Variants in ALMS1 observed in about 807,000 individuals in gnomAD.
ALMS1 encodes the protein centrosome-associated protein ALMS1.
Under a neutral mutation model 352.2 loss-of-function variants are expected in ALMS1, and 271 were observed. The observed-to-expected ratio is 0.77, with a 90% CI of 0.70 to 0.85. ALMS1 has a LOEUF of 0.85. Among genes scored for constraint, ALMS1 ranks in the 40% least tolerant of loss-of-function variants. The pLI, the probability that ALMS1 is intolerant of heterozygous loss-of-function variation, is 0.00. For synonymous variants in ALMS1, 1,865 were observed against 1,761.2 expected, an observed-to-expected ratio of 1.06 and a Z score of -1.48; for missense variants, 5,445 against 4,870.7, an observed-to-expected ratio of 1.12 and a Z score of -3.51.
rs555552377 is a variant in ALMS1, at chr2:73,448,043, A to T, written c.1516A>T (p.Ile506Phe). Residue 506 changes from isoleucine (I) to phenylalanine (F), a missense_variant, in exon 8 of 23, where the codon ATT (isoleucine) becomes TTT (phenylalanine). Transcript: ENST00000613296. ...CACTACCACTCCTGTTGATTCAGAC[A>T]TTGGATCTCATTTATCCTTGTCCCT... ...GITTTPVDSD[I>F]GSHLSLSLED... The T allele has an allele frequency of 1.2e-5, 19 of 1,613,956 alleles. No individual in the cohort carries two copies. In the African/African-American group the frequency reaches 2.0e-4, roughly 17 times the overall value.
At chr2:73,591,580 C>T (rs7607892) in intron 16 of ALMS1, among the ~76,000 whole-genome samples, 45,262 of 151,938 alleles carry the variant, frequency 0.3, 8,242 homozygotes, top group African/African-American at 0.51. Flanking sequence ...CTGACTGAAA[C>T]ATGAAGGAGT....
At chr2:73,514,447 T>C (rs918733858) in intron 10 of ALMS1, among the ~76,000 whole-genome samples, 1 of 152,150 alleles carries the variant, frequency 6.6e-6, no homozygotes, top group Non-Finnish European at 1.5e-5. Flanking sequence ...CTCTATTTAC[T>C]CACTCCTCCT....
chr2:73,448,710 A>G lies in ALMS1; in HGVS notation c.2183A>G (p.Gln728Arg), dbSNP rs1404131884. The change falls in exon 8 of 23, where the codon CAA (glutamine) becomes CGA (arginine). Residue 728 changes from glutamine (Q) to arginine (R), a missense_variant. Coordinates refer to ENST00000613296, the MANE Select transcript of ALMS1 (RefSeq NM_001378454.1). ...GAGAAGCCTGGTATTTTTTACCAAC[A>G]AGAGTTCGCAGACAGTCATCAAACT... ...HREKPGIFYQ[Q>R]EFADSHQTEE... 2 of 1,605,374 alleles carry G rather than the reference A, an allele frequency of 1.2e-6. No homozygotes were observed. The highest frequency in any genetic ancestry group is 2.7e-5 in the African/African-American group (2 of 74,898).
chr2:73,455,289 G>A lies in ALMS1; in HGVS notation c.7668G>A (p.Leu2556=). 1 of 1,614,018 alleles carries A rather than the reference G, an allele frequency of 6.2e-7. No individual in the cohort carries two copies. Among genetic ancestry groups the A allele is most frequent in the Non-Finnish European group, 8.5e-7 (1 of 1,179,974 alleles). Reference sequence around the variant, plus strand: ...TTGGTCATGGAAGAACAACTGACTTGTCCAAGGTATAAAAGAAATCTGGAA... The same window carrying A: ...TTGGTCATGGAAGAACAACTGACTTATCCAAGGTATAAAAGAAATCTGGAA... ...ELFGHGRTTD[L]SKGLQSPRGM... is the part of the protein sequence containing the mutation. The change falls in exon 9 of 23, where the codon TTG becomes TTA. Residue 2556 remains leucine (L), a synonymous_variant. Transcript: ENST00000613296.
intron 14 of ALMS1, among the ~76,000 whole-genome samples, chr2:73,558,595 T>C (rs1674592237): frequency 6.6e-6 from 1 of 152,224 alleles, no homozygotes; most frequent in Non-Finnish European, 1.5e-5. Flanking sequence ...CTCTGTTTCT[T>C]AGATGCTAAG....
intron 16 of ALMS1, among the ~76,000 whole-genome samples, chr2:73,585,726 CTTTT>C: frequency 8.4e-6 from 1 of 119,540 alleles, no homozygotes; most frequent in South Asian, 2.7e-4. Context: ...ACTTCTTGGC[CTTTT>C]TTTTTTTTTT....
chr2:73,556,839 A>T, intron 13 of ALMS1, among the ~76,000 whole-genome samples: 1 of 151,812 alleles, frequency 6.6e-6, no homozygotes. Flanking sequence ...AGTAGCTGGG[A>T]CTACAGGCGT....
chr2:73,585,062 A>G (rs542086381), intron 16 of ALMS1, among the ~76,000 whole-genome samples: 1 of 152,196 alleles, frequency 6.6e-6, no homozygotes, highest in East Asian at 1.9e-4. Flanking sequence ...TGTTTTTGCA[A>G]TTGCGAATCA....
At chr2:73,459,322 G>A (rs1037883211) in intron 9 of ALMS1, 1 of 151,976 alleles carries the variant, frequency 6.6e-6, no homozygotes, top group African/African-American at 2.4e-5. Context: ...TAGTTAAGGT[G>A]GTATCTGCTG....
At chr2:73,561,435 C>G (rs1034677245) in intron 15 of ALMS1, among the ~76,000 whole-genome samples, 3 of 152,148 alleles carry the variant, frequency 2.0e-5, no homozygotes, top group African/African-American at 7.2e-5. Context: ...GCCTCTGGGA[C>G]AAGTCAGCCT....
chr2:73,584,271 T>C, intron 16 of ALMS1, among the ~76,000 whole-genome samples: 1 of 152,234 alleles, frequency 6.6e-6, no homozygotes, highest in South Asian at 2.1e-4. Flanking sequence ...GTAGTAGTAT[T>C]ACTATATTGA....
chr2:73,582,373 G>A (rs945275737), intron 16 of ALMS1, among the ~76,000 whole-genome samples: 7 of 152,046 alleles, frequency 4.6e-5, no homozygotes, highest in African/African-American at 7.2e-5. Context: ...TTTCTTGTGC[G>A]TGGTAAAAAA....
At chr2:73,469,837 T>G (rs948001081) in intron 9 of ALMS1, 1 of 151,826 alleles carries the variant, frequency 6.6e-6, no homozygotes, top group Admixed American at 6.6e-5. Context: ...TTTAACATTC[T>G]ATCAACTTTT....
chr2:73,400,770 T>C (rs569742113), intron 1 of ALMS1, among the ~76,000 whole-genome samples: 1 of 152,256 alleles, frequency 6.6e-6, no homozygotes, highest in East Asian at 1.9e-4. Context: ...CCATGAGATC[T>C]GTTGTGATGT....
chr2:73,609,118 G>T (rs763156685), intron 22 of ALMS1, among the ~76,000 whole-genome samples: 5 of 152,196 alleles, frequency 3.3e-5, no homozygotes, highest in Non-Finnish European at 7.3e-5. Flanking sequence ...AAACCAGACC[G>T]GCTCCTATGC....
At chr2:73,492,053 T>C (rs764029925) in intron 10 of ALMS1, among the ~76,000 whole-genome samples, 30 of 152,326 alleles carry the variant, frequency 2.0e-4, no homozygotes, top group Non-Finnish European at 4.0e-4. Flanking sequence ...ATGTGCTCCC[T>C]GATATGATGC....
In ALMS1 at chr2:73,451,887, A is replaced by T. The variant is rs1671949458; in HGVS notation, c.5360A>T (p.Asn1787Ile). The T allele has an allele frequency of 6.2e-7, 1 of 1,609,280 alleles. No homozygotes were observed. The highest frequency in any genetic ancestry group is 1.7e-5 in the Admixed American group (1 of 59,666). Residue 1787 changes from asparagine to isoleucine, a missense_variant, in exon 8 of 23, where the codon AAT becomes ATT. Physicochemically the swap from Asn to Ile is moderately radical, Grantham distance 149. Transcript: ENST00000613296. The part of the protein sequence containing the change: ...HLTEEALKVS[N>I]VPGPADQKTG... ...ACTGAAGAGGCTCTGAAAGTTTCAA[A>T]TGTTCCTGGACCAGCTGACCAGAAG...
At chr2:73,541,285 C>A (rs994140603) in intron 12 of ALMS1, among the ~76,000 whole-genome samples, 2 of 152,100 alleles carry the variant, frequency 1.3e-5, no homozygotes, top group Admixed American at 1.3e-4. Context: ...GGGTACATAA[C>A]GAAATGAAGG....
chr2:73,453,815 A>C lies in ALMS1; in HGVS notation c.7288A>C (p.Ser2430Arg), dbSNP rs539112266. 333 of 1,614,054 alleles carry C rather than the reference A, an allele frequency of 2.1e-4. No individual in the cohort carries two copies. Among genetic ancestry groups the C allele is most frequent in the Non-Finnish European group, 2.6e-4 (307 of 1,180,024 alleles). The stretch of plus-strand genomic sequence containing the variant: ...TGGAAATGGTTCCTGCTCGTGGGAC[A>C]GTAATTTACCAGAGTCTTTGGAATC... Reference protein sequence around the residue: ...SDGNGSCSWDSNLPESLESVS... With the variant: ...SDGNGSCSWDRNLPESLESVS... The change falls in exon 8 of 23, where the codon AGT becomes CGT. Residue 2430 changes from serine to arginine, a missense_variant. By Grantham distance (110) the Ser-to-Arg change is moderately radical. Coordinates refer to ENST00000613296, the MANE Select transcript of ALMS1 (RefSeq NM_001378454.1).
Sources: allele counts gnomAD v4.1 joint callset (sites outside exome capture counted in the v4.1 genomes callset), GRCh38; gene constraint gnomAD v4.1.1; transcripts MANE v1.5; gene names NCBI Gene and HGNC (gene_info 2026-07-23, HGNC 2026-07-21).